C1QTNF9: variants seen among roughly 807,000 people sequenced by gnomAD.
C1QTNF9 encodes the protein complement C1q and tumor necrosis factor-related protein 9A.
Under a neutral mutation model 10.1 loss-of-function variants are expected in C1QTNF9, and 6 were observed. The ratio of observed to expected loss-of-function variants is 0.59; its 90% CI spans 0.32 to 1.17. The LOEUF (loss-of-function observed/expected upper bound fraction) is 1.17, where lower values mean the gene tolerates loss of function less well. C1QTNF9 is among the 50% of genes most tolerant of loss of function. The probability of loss-of-function intolerance (pLI) is 0.04; values close to 1 mark genes in which losing one functional copy is unlikely to be tolerated. For synonymous variants in C1QTNF9, 98 were observed against 163.5 expected (o/e 0.60, Z 3.06); for missense variants, 201 against 418.8 (o/e 0.48, Z 4.54).
At chr13:24,320,251 T>G (rs1237213193) in intron 3 of C1QTNF9, among the ~76,000 whole-genome samples, 1 of 152,178 alleles carries the variant, frequency 6.6e-6, no homozygotes, top group Admixed American at 6.5e-5. Flanking sequence ...GCCAGCATGG[T>G]AGACTTAGAT....
At chr13:24,314,879 T>C (rs9511192) in intron 1 of C1QTNF9, among the ~76,000 whole-genome samples, 21,159 of 135,566 alleles carry the variant, frequency 0.16, 2,860 homozygotes, top group African/African-American at 0.23. Context: ...TGAAAATGCA[T>C]TTCTCCCGAA....
chr13:24,309,861 A>G (rs930097185), intron 1 of C1QTNF9, among the ~76,000 whole-genome samples: 7 of 152,126 alleles, frequency 4.6e-5, no homozygotes, highest in African/African-American at 1.7e-4. Context: ...CTGGGAGGAG[A>G]GAGAAAAACC....
chr13:24,322,267 A>G (rs1878301852), exon 4 of C1QTNF9: 1 of 153,318 alleles, frequency 6.5e-6, no homozygotes, highest in East Asian at 1.9e-4. Context: ...TACATATGCA[A>G]AACATGCATG....
At chr13:24,312,756 A>G (rs1210453415) in intron 1 of C1QTNF9, among the ~76,000 whole-genome samples, 2 of 151,866 alleles carry the variant, frequency 1.3e-5, no homozygotes, top group African/African-American at 2.4e-5. Context: ...GGAAATCGAG[A>G]CCATCCTGGC....
intron 2 of C1QTNF9, among the ~76,000 whole-genome samples, chr13:24,317,257 G>GTA (rs1235376636): frequency 6.8e-6 from 1 of 147,876 alleles, no homozygotes; most frequent in Non-Finnish European, 1.5e-5. Flanking sequence ...CCACAGTAGT[G>GTA]TGTGTGTGTG....
intron 1 of C1QTNF9, among the ~76,000 whole-genome samples, chr13:24,314,571 AC>A (rs1349272008): frequency 1.3e-5 from 2 of 152,020 alleles, no homozygotes; most frequent in African/African-American, 4.8e-5. Context: ...AGTCCCAGCT[AC>A]TTGAGAAGCC....
intron 3 of C1QTNF9, among the ~76,000 whole-genome samples, chr13:24,320,102 G>A (rs113873969): frequency 6.6e-5 from 10 of 152,206 alleles, no homozygotes; most frequent in African/African-American, 2.2e-4. Flanking sequence ...AGAGGGCAAT[G>A]CCTCGATGCA....
chr13:24,310,647 C>T (rs1014281583), intron 1 of C1QTNF9, among the ~76,000 whole-genome samples: 1 of 151,616 alleles, frequency 6.6e-6, no homozygotes, highest in African/African-American at 2.4e-5. Flanking sequence ...GGCGCGGTGG[C>T]TCACACCTGT....
chr13:24,309,286 TA>T (rs369047534), upstream of C1QTNF9, among the ~76,000 whole-genome samples: 2 of 25,874 alleles, frequency 7.7e-5, no homozygotes, highest in Non-Finnish European at 1.3e-4. Context: ...TAAAGTATTA[TA>T]TATATATATA....
Position 24,318,625 on chromosome 13 carries a change from C to T in C1QTNF9, c.167-193C>T, listed in dbSNP as rs552085577. ...TCAGTTCATTTCTTAGGTCACTTAT[C>T]CCACGCAGCTCAGCACCCCAGATGC... On this transcript the variant is annotated intron_variant, in intron 2 of 3. Transcript: ENST00000332018. 1.8e-4 allele frequency among the ~76,000 whole-genome samples: 28 copies of T among 152,332 alleles called. No homozygotes were observed. The East Asian group carries it at 3.7e-3, about 20-fold the overall frequency.
intron 3 of C1QTNF9, among the ~76,000 whole-genome samples, chr13:24,320,559 A>T (rs1264131856): frequency 6.6e-6 from 1 of 151,748 alleles, no homozygotes; most frequent in Admixed American, 6.6e-5. Context: ...TAATTTTTGT[A>T]TTTTTTGCAG....
At chr13:24,319,379 TA>T (rs567768780) in intron 3 of C1QTNF9, among the ~76,000 whole-genome samples, 6 of 148,924 alleles carry the variant, frequency 4.0e-5, no homozygotes, top group Admixed American at 2.0e-4. Flanking sequence ...TCTATACAAA[TA>T]AAAAAAAAAT....
At chr13:24,316,788 T>C (rs1033296863) in intron 2 of C1QTNF9, among the ~76,000 whole-genome samples, 1 of 152,162 alleles carries the variant, frequency 6.6e-6, no homozygotes, top group Non-Finnish European at 1.5e-5. Flanking sequence ...TTGCCAAAGC[T>C]GAGAAGTCCG....
rs754527529 is a variant in C1QTNF9, at chr13:24,321,626, C to T, written c.860C>T (p.Ala287Val). The stretch of plus-strand genomic sequence containing the variant: ...GCTTACATGAGCTCTGAGGACCAGG[C>T]CTCTGGCGGCATTGTCCTGCAGCTG... Residue 287 changes from alanine to valine, a missense_variant, in exon 4 of 4, where the codon GCC becomes GTC. Around this residue, in one of 3 missense-constraint regions of C1QTNF9, gnomAD observed 86 missense variants for 87.0 expected, o/e 0.99. Coordinates refer to ENST00000332018, the Ensembl canonical transcript of C1QTNF9. The T allele has an allele frequency of 2.5e-6, 4 of 1,614,206 alleles. No individual in the cohort carries two copies. Among genetic ancestry groups the T allele is most frequent in the Non-Finnish European group, 3.4e-6 (4 of 1,180,036 alleles).
At chr13:24,319,021 A>G (rs1878150466) in intron 3 of C1QTNF9, 141 bp downstream of exon 3, 1 of 1,182,048 alleles carries the variant, frequency 8.5e-7, no homozygotes, top group Non-Finnish European at 1.2e-6. Context: ...GGGATTCTGC[A>G]GGGATTGGCA....
intron 1 of C1QTNF9, among the ~76,000 whole-genome samples, chr13:24,311,558 G>A (rs1313050011): frequency 6.6e-6 from 1 of 152,134 alleles, no homozygotes; most frequent in Non-Finnish European, 1.5e-5. Context: ...ATTACTGGGA[G>A]GGTTGTATGC....
intron 3 of C1QTNF9, 58 bp downstream of exon 3, chr13:24,318,938 T>C: frequency 1.3e-6 from 2 of 1,596,650 alleles, no homozygotes; most frequent in Non-Finnish European, 1.7e-6. Flanking sequence ...TTAACAATAT[T>C]ACCATGGACA....
At chr13:24,322,503 GTACACAAA>G (rs1482424973) in exon 4 of C1QTNF9, 1 of 152,194 alleles carries the variant, frequency 6.6e-6, no homozygotes, top group Admixed American at 6.5e-5. Flanking sequence ...CTCTAATAAA[GTACACAAA>G]CTGGGAGTCT....
At chr13:24,311,318 A>C (rs1254141235) in intron 1 of C1QTNF9, among the ~76,000 whole-genome samples, 1 of 152,266 alleles carries the variant, frequency 6.6e-6, no homozygotes, top group African/African-American at 2.4e-5. Flanking sequence ...TGAGTCAGAA[A>C]TAAGTGAACT....
Sources: allele counts gnomAD v4.1 joint callset (sites outside exome capture counted in the v4.1 genomes callset), GRCh38; gene constraint gnomAD v4.1.1; regional missense constraint gnomAD v4.1.1; transcripts MANE v1.5; gene names NCBI Gene and HGNC (gene_info 2026-07-23, HGNC 2026-07-21).